Variants in KIAA0825 observed in about 807,000 individuals in gnomAD.
KIAA0825 encodes the protein KIAA0825.
Under a neutral mutation model 147.6 loss-of-function variants are expected in KIAA0825, and 119 were observed. The ratio of observed to expected loss-of-function variants is 0.81; its 90% CI spans 0.69 to 0.94. The LOEUF (loss-of-function observed/expected upper bound fraction) is 0.94. KIAA0825 is among the 40% of genes least tolerant of loss of function. KIAA0825 has a pLI of 0.00. For missense variants in KIAA0825, 1,381 were observed against 1,472.7 expected (o/e 0.94, Z 1.02); for synonymous variants, 470 against 518.1 (o/e 0.91, Z 1.26).
chr5:94,369,122 C>T (rs1182821844), intron 20 of KIAA0825, among the ~76,000 whole-genome samples: 1 of 152,036 alleles, frequency 6.6e-6, no homozygotes, highest in Non-Finnish European at 1.5e-5. Flanking sequence ...TGAAGCACTA[C>T]ACTCCAGCCT....
intron 20 of KIAA0825, among the ~76,000 whole-genome samples, chr5:94,292,168 G>A (rs778859910): frequency 5.3e-5 from 8 of 152,180 alleles, no homozygotes; most frequent in Non-Finnish European, 1.0e-4. Flanking sequence ...GTGAGAGAGG[G>A]CATCCTTGTC....
At chr5:94,299,388 C>CA (rs1778281912) in intron 20 of KIAA0825, among the ~76,000 whole-genome samples, 1 of 141,296 alleles carries the variant, frequency 7.1e-6, no homozygotes. Flanking sequence ...GGGTAATTTA[C>CA]TTTTTTTTTT....
At chr5:94,525,475 C>A (rs1490619159) in intron 3 of KIAA0825, among the ~76,000 whole-genome samples, 1 of 151,858 alleles carries the variant, frequency 6.6e-6, no homozygotes, top group East Asian at 1.9e-4. Flanking sequence ...AAAACAATAC[C>A]TCCTCTGGCC....
At chr5:94,390,701 A>C (rs1749779355) in intron 18 of KIAA0825, among the ~76,000 whole-genome samples, 1 of 152,236 alleles carries the variant, frequency 6.6e-6, no homozygotes, top group African/African-American at 2.4e-5. Flanking sequence ...AAACGTTTAT[A>C]TAATCAAGTT....
intron 14 of KIAA0825, among the ~76,000 whole-genome samples, chr5:94,435,348 A>G (rs1275211155): frequency 7.5e-6 from 1 of 133,298 alleles, no homozygotes; most frequent in Non-Finnish European, 1.5e-5. Context: ...ATGTGTTCTC[A>G]TTGTTTAGCT....
chr5:94,521,009 A>C, intron 4 of KIAA0825, 92 bp from the exon 5 acceptor site: 1 of 1,065,146 alleles, frequency 9.4e-7, no homozygotes, highest in Non-Finnish European at 1.3e-6. Flanking sequence ...TTTCAGGTTG[A>C]AATCAATACT....
At chr5:94,205,387 C>T (rs1466214669) in intron 20 of KIAA0825, among the ~76,000 whole-genome samples, 10 of 149,960 alleles carry the variant, frequency 6.7e-5, no homozygotes, top group Middle Eastern at 3.2e-3. Context: ...CTGCAACCTC[C>T]GCCTCCTGGG....
At chr5:94,279,765 A>T (rs536561464) in intron 20 of KIAA0825, among the ~76,000 whole-genome samples, 1 of 152,154 alleles carries the variant, frequency 6.6e-6, no homozygotes, top group Admixed American at 6.6e-5. Context: ...TTTGAAGAGC[A>T]TATTACTGTC....
At chr5:94,287,249 T>C (rs1777702520) in intron 20 of KIAA0825, among the ~76,000 whole-genome samples, 1 of 152,188 alleles carries the variant, frequency 6.6e-6, no homozygotes, top group Non-Finnish European at 1.5e-5. Flanking sequence ...GACTGATAGC[T>C]GATGACTTGT....
chr5:94,485,690 T>C (rs1371900480), intron 5 of KIAA0825, among the ~76,000 whole-genome samples: 2 of 151,736 alleles, frequency 1.3e-5, no homozygotes, highest in Non-Finnish European at 3.0e-5. Flanking sequence ...TTGGGAAATT[T>C]GAATGTAAAG....
At chr5:94,224,158 A>G (rs1562321592) in intron 20 of KIAA0825, among the ~76,000 whole-genome samples, 1 of 128,874 alleles carries the variant, frequency 7.8e-6, no homozygotes, top group Non-Finnish European at 1.5e-5. Context: ...CAGTGGCACA[A>G]TCTCGGCTCA....
At chr5:94,567,536 A>T (rs1210345350) in intron 2 of KIAA0825, 2 of 152,186 alleles carry the variant, frequency 1.3e-5, no homozygotes, top group East Asian at 3.9e-4. Flanking sequence ...CACCGCCAAC[A>T]ACCTATTTCA....
At chr5:94,355,525 C>T (rs985891469) in intron 20 of KIAA0825, among the ~76,000 whole-genome samples, 3 of 152,156 alleles carry the variant, frequency 2.0e-5, no homozygotes, top group South Asian at 2.1e-4. Context: ...TCCCCAGACC[C>T]GTTAGATAGG....
intron 20 of KIAA0825, among the ~76,000 whole-genome samples, chr5:94,335,958 ATGT>A (rs891243479): frequency 2.6e-5 from 4 of 152,138 alleles, no homozygotes; most frequent in Non-Finnish European, 4.4e-5. Flanking sequence ...TTGTTCCATA[ATGT>A]TGTGTCAAAT....
At chr5:94,589,498 G>A (rs555890158) in intron 1 of KIAA0825, among the ~76,000 whole-genome samples, 1 of 152,246 alleles carries the variant, frequency 6.6e-6, no homozygotes, top group Non-Finnish European at 1.5e-5. Flanking sequence ...CTCTATCAAA[G>A]TTGGGCAAAT....
At chr5:94,464,360 A>C (rs1760225833) in intron 11 of KIAA0825, among the ~76,000 whole-genome samples, 1 of 152,162 alleles carries the variant, frequency 6.6e-6, no homozygotes, top group Non-Finnish European at 1.5e-5. Flanking sequence ...GCTGTTAGTA[A>C]CAAATAGTGA....
At chr5:94,385,022 C>A (rs970838408) in intron 19 of KIAA0825, among the ~76,000 whole-genome samples, 47 of 152,048 alleles carry the variant, frequency 3.1e-4, no homozygotes, top group African/African-American at 1.1e-3. Flanking sequence ...ATAGAAATTT[C>A]ACAACAGACT....
intron 20 of KIAA0825, among the ~76,000 whole-genome samples, chr5:94,178,423 A>C (rs1024324020): frequency 1.3e-5 from 2 of 151,780 alleles, no homozygotes; most frequent in Non-Finnish European, 2.9e-5. Context: ...ATATGATGTG[A>C]TCTGTCTTCT....
At chr5:94,545,923 C>A (rs954322836) in intron 2 of KIAA0825, among the ~76,000 whole-genome samples, 1 of 152,134 alleles carries the variant, frequency 6.6e-6, no homozygotes, top group Non-Finnish European at 1.5e-5. Context: ...GTCCCCAAGT[C>A]GAGGCCTAGG....
Sources: allele counts gnomAD v4.1 joint callset (sites outside exome capture counted in the v4.1 genomes callset), GRCh38; gene constraint gnomAD v4.1.1; transcripts MANE v1.5; gene names NCBI Gene and HGNC (gene_info 2026-07-23, HGNC 2026-07-21).